The following STYXL1 variants were observed in gnomAD, a reference collection of about 807,000 sequenced individuals.
STYXL1 encodes serine/threonine/tyrosine interacting like 1.
STYXL1 carries 32 observed loss-of-function variants against 36.4 expected under a neutral mutation model. The observed-to-expected ratio is 0.88, with a 90% CI of 0.66 to 1.18. STYXL1 has a LOEUF of 1.18. Among genes scored for constraint, STYXL1 ranks in the 50% most tolerant of loss-of-function variants. The pLI, the probability that STYXL1 is intolerant of heterozygous loss-of-function variation, is 0.00. For missense variants in STYXL1, 354 were observed against 394.1 expected (o/e 0.90, Z 0.86); for synonymous variants, 133 against 144.1 (o/e 0.92, Z 0.55).
intron 6 of STYXL1, among the ~76,000 whole-genome samples, chr7:76,004,808 T>C (rs934465719): frequency 1.3e-5 from 2 of 152,048 alleles, no homozygotes; most frequent in Non-Finnish European, 2.9e-5. Flanking sequence ...GAGACCATCC[T>C]GGCTAACACG....
In STYXL1 at chr7:76,022,124, C is replaced by G. The variant is rs1414595875; in HGVS notation, c.166-132G>C. On this transcript the variant is annotated intron_variant, in intron 3 of 8. Transcript: ENST00000359697. ...TCTCCCCTGACTATACACACAGGCC[C>G]AGAAGCACTGAGACAGTGGATGGAG... is the stretch of plus-strand genomic sequence containing the variant. The G allele has an allele frequency of 1.2e-5, 17 of 1,468,932 alleles. No individual in the cohort carries two copies. The African/African-American group carries it at 2.4e-4, about 21-fold the overall frequency. 91.0% of individuals were successfully genotyped at this position (1,468,932 alleles called of 1,614,324 possible).
chr7:76,030,286 AC>A, intron 2 of STYXL1, 134 bp downstream of exon 2: 1 of 658,354 alleles, frequency 1.5e-6, no homozygotes, highest in Non-Finnish European at 2.7e-6. Context: ...GGCGTGTGCC[AC>A]CACACCCAGC....
In STYXL1 at chr7:76,028,716, C is replaced by T. The variant is rs369139033; in HGVS notation, c.104-13G>A. The T allele has an allele frequency of 3.4e-5, 55 of 1,613,610 alleles. No homozygotes were observed. The highest frequency in any genetic ancestry group is 3.1e-4 in the African/African-American group (23 of 75,042). On this transcript the variant is annotated splice_polypyrimidine_tract_variant and intron_variant, in intron 2 of 8. Transcript: ENST00000359697. Reference sequence around the variant, plus strand: ...TTGGAACGGACATCTGGAAAGGAAACGTATTTAAGAACTGAATTTGCAAAG... The same window carrying T: ...TTGGAACGGACATCTGGAAAGGAAATGTATTTAAGAACTGAATTTGCAAAG...
intron 8 of STYXL1, among the ~76,000 whole-genome samples, chr7:75,997,492 A>G (rs1211022559): frequency 6.6e-6 from 1 of 152,198 alleles, no homozygotes; most frequent in Non-Finnish European, 1.5e-5. Flanking sequence ...TGAGAAGCCC[A>G]CAGCTAACAT....
intron 8 of STYXL1, among the ~76,000 whole-genome samples, chr7:75,998,140 G>A (rs6467960): frequency 0.88 from 134,011 of 152,180 alleles, 59,104 homozygotes; most frequent in Non-Finnish European, 0.9. Flanking sequence ...AAATATTTAA[G>A]AAGAACAAAG....
intron 5 of STYXL1, among the ~76,000 whole-genome samples, chr7:76,008,128 G>A (rs1792045098): frequency 1.4e-5 from 2 of 147,082 alleles, no homozygotes; most frequent in Non-Finnish European, 3.0e-5. Flanking sequence ...GAACCCAGGA[G>A]GTGGAGCCTG....
chr7:76,013,819 T>C lies in STYXL1; in HGVS notation c.376A>G (p.Ile126Val), dbSNP rs782334223. 4 of 1,613,866 alleles carry C rather than the reference T, an allele frequency of 2.5e-6. No individual in the cohort carries two copies. The highest frequency in any genetic ancestry group is 1.7e-5 in the Admixed American group (1 of 59,960). Reference protein sequence around the residue: ...LTRLTHHPVYILKGGYERFSG... With the variant: ...LTRLTHHPVYVLKGGYERFSG... ...AAGCGCTCATAGCCCCCTTTCAGGA[T>C]GTAGACGGGGTGGTGGGTGAGGCGG... Residue 126 changes from isoleucine to valine, a missense_variant, in exon 5 of 9, where the codon ATC becomes GTC. Transcript: ENST00000359697.
intron 1 of STYXL1, among the ~76,000 whole-genome samples, chr7:76,033,513 C>T (rs1026390341): frequency 6.6e-5 from 10 of 152,066 alleles, no homozygotes; most frequent in African/African-American, 9.7e-5. Context: ...TGGGGGATGG[C>T]GAAGGGGAGA....
chr7:76,018,061 T>TCTCA (rs201060610), intron 4 of STYXL1, among the ~76,000 whole-genome samples: 1,577 of 151,820 alleles, frequency 0.01, 34 homozygotes, highest in African/African-American at 0.037. Flanking sequence ...TGAGACAGAG[T>TCTCA]CTCACTATGT....
chr7:76,014,041 C>T (rs1033356664), intron 4 of STYXL1, among the ~76,000 whole-genome samples, 154 bp from the exon 5 acceptor site: 3 of 151,446 alleles, frequency 2.0e-5, no homozygotes, highest in Non-Finnish European at 3.0e-5. Flanking sequence ...TGCAGTGGTG[C>T]GATCTCGGCT....
rs781912400 is a variant in STYXL1, at chr7:76,013,799, C to T, written c.396G>A (p.Glu132=). 3 of 1,613,992 alleles carry T rather than the reference C, an allele frequency of 1.9e-6. No individual in the cohort carries two copies. The South Asian group carries it at 3.3e-5, about 18-fold the overall frequency. Residue 132 remains glutamate (E), a synonymous_variant, in exon 5 of 9, where the codon GAG becomes GAA. Coordinates refer to ENST00000359697, the MANE Select transcript of STYXL1 (RefSeq NM_001317785.2). ...HPVYILKGGY[E]RFSGTYHFLR... ...GAAAGTGGTACGTGCCTGAGAAGCG[C>T]TCATAGCCCCCTTTCAGGATGTAGA...
At chr7:76,026,990 G>C (rs1226086805) in intron 3 of STYXL1, among the ~76,000 whole-genome samples, 3 of 152,156 alleles carry the variant, frequency 2.0e-5, no homozygotes, top group Non-Finnish European at 2.9e-5. Flanking sequence ...TTGAACCTGG[G>C]AGGCAGAGGT....
Position 76,017,873 on chromosome 7 carries a change from A to AAAAAAAAAAAAAAAAAAAAAAAAAAAC in STYXL1, c.307+3977_307+3978insGTTTTTTTTTTTTTTTTTTTTTTTTTT, listed in dbSNP as rs1793582358. On this transcript the variant is annotated intron_variant, in intron 4 of 8. Transcript: ENST00000359697. Reference sequence around the variant, plus strand: ...AAGAGCAAAACTCCATCTCAAAAAAAAAAAAAAAGGCAAGACAGAAGAAAA... The same window carrying AAAAAAAAAAAAAAAAAAAAAAAAAAAC: ...AAGAGCAAAACTCCATCTCAAAAAAAAAAAAAAAAAAAAAAAAAAAAAAAAACAAAAAAAAGGCAAGACAGAAGAAAA... 1.4e-5 allele frequency among the ~76,000 whole-genome samples: 2 copies of AAAAAAAAAAAAAAAAAAAAAAAAAAAC among 145,356 alleles called. 1 individual carries two copies. Among genetic ancestry groups the AAAAAAAAAAAAAAAAAAAAAAAAAAAC allele is most frequent in the Non-Finnish European group, 3.0e-5 (2 of 66,074 alleles).
chr7:76,019,399 T>G (rs1389388889), intron 4 of STYXL1, among the ~76,000 whole-genome samples: 2 of 151,630 alleles, frequency 1.3e-5, no homozygotes, highest in African/African-American at 4.9e-5. Context: ...TGGGCTCAAG[T>G]GATCCTCCTG....
intron 4 of STYXL1, among the ~76,000 whole-genome samples, chr7:76,021,461 T>A (rs1420424691): frequency 6.6e-6 from 1 of 152,166 alleles, no homozygotes; most frequent in Non-Finnish European, 1.5e-5. Flanking sequence ...AGATATTCTT[T>A]CAGGTCCCGC....
At chr7:75,996,631 C>G in intron 8 of STYXL1, 32 bp from the exon 9 acceptor site, 1 of 1,609,892 alleles carries the variant, frequency 6.2e-7, no homozygotes, top group Non-Finnish European at 8.5e-7. Context: ...GTGAACTTCA[C>G]GATTGGTCCT....
chr7:76,000,657 C>G lies in STYXL1; in HGVS notation c.810+233G>C, dbSNP rs1790782024. The G allele has an allele frequency of 8.3e-6, 5 of 599,090 alleles. No individual in the cohort carries two copies. In the Admixed American group the frequency reaches 8.7e-5, roughly 10 times the overall value. The allele number at this position is 599,090 out of a possible 1,614,324, so 37.1% of individuals were successfully genotyped here. A position where few individuals can be genotyped will look rare whatever the true frequency, so the allele number is the denominator to read the frequency against. On this transcript the variant is annotated intron_variant, in intron 8 of 8. Transcript: ENST00000359697. The stretch of plus-strand genomic sequence containing the variant: ...GACAGCAGTGGGGGCTGCAGGACAG[C>G]CTGACCTGGCCTGAGTCCCTGGGCC...
chr7:75,997,573 A>T (rs1790292176), intron 8 of STYXL1, among the ~76,000 whole-genome samples: 1 of 152,198 alleles, frequency 6.6e-6, no homozygotes, highest in South Asian at 2.1e-4. Context: ...TGCTTTCATC[A>T]CTTCTGTTCA....
intron 1 of STYXL1, among the ~76,000 whole-genome samples, chr7:76,046,771 C>T (rs926577436): frequency 6.6e-6 from 1 of 151,782 alleles, no homozygotes; most frequent in Admixed American, 6.6e-5. Flanking sequence ...CTGCCTCAGC[C>T]TCCGGAGTAG....
Sources: gnomAD v4.1 joint callset for allele counts (sites outside exome capture counted in the v4.1 genomes callset) on GRCh38, gnomAD v4.1.1 for gene constraint, MANE v1.5 for transcripts, NCBI Gene and HGNC (gene_info 2026-07-23, HGNC 2026-07-21) for gene names.